Variants in DDR1 observed in about 807,000 individuals in gnomAD.
DDR1 encodes epithelial discoidin domain-containing receptor 1.
DDR1 carries 64 observed loss-of-function variants against 97.4 expected under a neutral mutation model. The observed-to-expected ratio is 0.66, with a 90% CI of 0.54 to 0.81. The LOEUF (loss-of-function observed/expected upper bound fraction) is 0.81. Among genes scored for constraint, DDR1 ranks in the 30% least tolerant of loss-of-function variants. The probability of loss-of-function intolerance (pLI) is 0.00; values close to 1 mark genes in which losing one functional copy is unlikely to be tolerated. For synonymous variants in DDR1, 458 were observed against 503.7 expected, an observed-to-expected ratio of 0.91 and a Z score of 1.21; for missense variants, 990 against 1,259.6, an observed-to-expected ratio of 0.79 and a Z score of 3.24.
chr6:30,887,434 T>G (rs1264324), intron 1 of DDR1, among the ~76,000 whole-genome samples: 10,616 of 152,304 alleles, frequency 0.07, 578 homozygotes, highest in Non-Finnish European at 0.12. Context: ...TATATTGTAT[T>G]CTATTGTTAT....
In DDR1 at chr6:30,898,223, G is replaced by A; in HGVS notation, c.2367G>A (p.Arg789=). 6.2e-7 allele frequency: 1 copy of A among 1,614,258 alleles called. No individual in the cohort carries two copies. The highest frequency in any genetic ancestry group is 8.5e-7 in the Non-Finnish European group (1 of 1,180,050). ...AAATCGCAGACTTTGGCATGAGCCG[G>A]AACCTCTATGCTGGGGACTATTACC... ...TIKIADFGMS[R]NLYAGDYYRV... is the part of the protein sequence containing the mutation. Residue 789 remains arginine (R), a synonymous_variant, in exon 16 of 18, where the codon CGG becomes CGA. Transcript: ENST00000376568.
intron 10 of DDR1, among the ~76,000 whole-genome samples, chr6:30,893,894 G>A (rs933148359): frequency 6.6e-6 from 1 of 152,180 alleles, no homozygotes; most frequent in Non-Finnish European, 1.5e-5. Flanking sequence ...AGGGGCAAAG[G>A]GAAGACGTCT....
chr6:30,884,923 G>GTC lies in DDR1; in HGVS notation c.-43+214_-43+215insCT. ...CGGGGACTGGGTGGAGGTGAAGCCC[G>GTC]TGACCTCCCAGAAAGAGTTTTGAGC... On this transcript the variant is annotated intron_variant, in intron 1 of 17. Transcript: ENST00000376568. This position sits in a 1 kb window ranked among gnomAD's most constrained non-coding sequence, Gnocchi z 6.1. 1 of 421,100 alleles carries GTC rather than the reference G, an allele frequency of 2.4e-6. No homozygotes were observed. Among genetic ancestry groups the GTC allele is most frequent in the Non-Finnish European group, 4.3e-6 (1 of 234,966 alleles). The allele number at this position is 421,100 out of a possible 1,614,324, so 26.1% of individuals were successfully genotyped here.
intron 9 of DDR1, 23 bp downstream of exon 9, chr6:30,893,186 G>T: frequency 6.2e-7 from 1 of 1,602,966 alleles, no homozygotes; most frequent in Non-Finnish European, 8.5e-7. Context: ...GGGTGGGCGT[G>T]TGGACCCTCT....
In DDR1 at chr6:30,893,433, G is replaced by GT; in HGVS notation, c.1347+10_1347+11insT. 2 of 1,599,708 alleles carry GT rather than the reference G, an allele frequency of 1.3e-6. No homozygotes were observed. Among genetic ancestry groups the GT allele is most frequent in the African/African-American group, 1.3e-5 (1 of 75,006 alleles). On this transcript the variant is annotated intron_variant, in intron 10 of 17. Transcript: ENST00000376568. ...CAGGCTCCTCAGCAAGGTGGGCACA[G>GT]CCGTGGCATGTGGAGTGGCGGGGGG...
In DDR1 at chr6:30,897,881, A is replaced by G. The variant is rs1791518854; in HGVS notation, c.2217-192A>G. Among the ~76,000 whole-genome samples, 1 of 152,162 alleles carries G rather than the reference A, an allele frequency of 6.6e-6. No homozygotes were observed. Among genetic ancestry groups the G allele is most frequent in the Non-Finnish European group, 1.5e-5 (1 of 68,006 alleles). On this transcript the variant is annotated intron_variant, in intron 15 of 17. Coordinates refer to ENST00000376568, the MANE Select transcript of DDR1 (RefSeq NM_001297654.2). This position sits in a 1 kb window ranked among gnomAD's most constrained non-coding sequence, Gnocchi z 5.2. Reference sequence around the variant, plus strand: ...CTCTGAGTCCAGATTGGGGAGCACAATAAAAGAAGAGCCCCCTAGTGTTGG... The same window carrying G: ...CTCTGAGTCCAGATTGGGGAGCACAGTAAAAGAAGAGCCCCCTAGTGTTGG...
Position 30,888,585 on chromosome 6 carries a change from G to C in DDR1, c.-42-103G>C, listed in dbSNP as rs1209346536. 7.7e-7 allele frequency: 1 copy of C among 1,291,414 alleles called. No individual in the cohort carries two copies. Among genetic ancestry groups the C allele is most frequent in the South Asian group, 1.4e-5 (1 of 69,514 alleles). 80.0% of individuals were successfully genotyped at this position (1,291,414 alleles called of 1,614,324 possible). On this transcript the variant is annotated intron_variant, in intron 1 of 17. Coordinates refer to ENST00000376568, the MANE Select transcript of DDR1 (RefSeq NM_001297654.2). This position sits in a 1 kb window ranked among gnomAD's most constrained non-coding sequence, Gnocchi z 4.2. ...CTGTTAAACAATGACTGTTGTTGTT[G>C]TTTTACTGTTATTATCCCCAAAGCG... is the stretch of plus-strand genomic sequence containing the variant.
rs1789402930 is a variant in DDR1 at position 30,893,431 on chromosome 6, C to T, written c.1347+8C>T. On this transcript the variant is annotated splice_region_variant and intron_variant, in intron 10 of 17. Transcript: ENST00000376568. ...CGCAGGCTCCTCAGCAAGGTGGGCACAGCCGTGGCATGTGGAGTGGCGGGG... is the reference window on the plus strand; with the variant it reads ...CGCAGGCTCCTCAGCAAGGTGGGCATAGCCGTGGCATGTGGAGTGGCGGGG... 2 of 1,600,028 alleles carry T rather than the reference C, an allele frequency of 1.2e-6. No homozygotes were observed. The highest frequency in any genetic ancestry group is 1.1e-5 in the South Asian group (1 of 90,588).
At chr6:30,892,573 C>T in intron 8 of DDR1, 31 bp downstream of exon 8, 1 of 1,529,926 alleles carries the variant, frequency 6.5e-7, no homozygotes. Context: ...GTCTCCAGTC[C>T]CTGAAATTGA....
rs773782485 is a variant in DDR1 at position 30,893,116 on chromosome 6, C to T, written c.1148C>T (p.Ala383Val). Residue 383 changes from alanine (A) to valine (V), a missense_variant, in exon 9 of 18, where the codon GCC (alanine) becomes GTC (valine). Coordinates refer to ENST00000376568, the MANE Select transcript of DDR1 (RefSeq NM_001297654.2). The part of the protein sequence containing the change: ...SPALGGTFPP[A>V]PWWPPGPPPT... ...GCACTGGGAGGCACCTTCCCGCCAGCCCCCTGGTGGCCGCCTGGCCCACCT... is the reference window on the plus strand; with the variant it reads ...GCACTGGGAGGCACCTTCCCGCCAGTCCCCTGGTGGCCGCCTGGCCCACCT... The T allele has an allele frequency of 2.6e-5, 42 of 1,611,412 alleles. No homozygotes were observed. The highest frequency in any genetic ancestry group is 3.4e-5 in the Non-Finnish European group (40 of 1,179,872).
Position 30,890,976 on chromosome 6 carries a change from A to G in DDR1, c.421A>G (p.Ile141Val), listed in dbSNP as rs1439991778. 2 of 1,600,384 alleles carry G rather than the reference A, an allele frequency of 1.2e-6. No individual in the cohort carries two copies. Among genetic ancestry groups the G allele is most frequent in the Non-Finnish European group, 1.7e-6 (2 of 1,173,358 alleles). ...GWKDRWGQEV[I>V]SGNEDPEGVV... ...CCCCCTGTTTCCTGGCCCACAGGTG[A>G]TCTCAGGCAATGAGGACCCTGAGGG... Residue 141 changes from isoleucine (I) to valine (V), a missense_variant, in exon 5 of 18, where the codon ATC (isoleucine) becomes GTC (valine). Physicochemically the swap from Ile to Val is conservative, Grantham distance 29. Transcript: ENST00000376568. The surrounding 1 kb of genome is among the most constrained non-coding windows in gnomAD (Gnocchi z 5.0).
rs1792394253 is a variant in DDR1, at chr6:30,900,089, G to A, written c.*793G>A. The stretch of plus-strand genomic sequence containing the variant: ...ACACAGATTTTTACACTAATATATG[G>A]ACCTAGCTTGAGGCAATTTTAATCC... On this transcript the variant is annotated 3_prime_UTR_variant, in exon 18 of 18. Transcript: ENST00000376568. 1.7e-6 allele frequency: 1 copy of A among 596,276 alleles called. No individual in the cohort carries two copies. The highest frequency in any genetic ancestry group is 1.8e-5 in the African/African-American group (1 of 55,576). The allele number at this position is 596,276 out of a possible 1,614,324, so 36.9% of individuals were successfully genotyped here. A position where few individuals can be genotyped will look rare whatever the true frequency, so the allele number is the denominator to read the frequency against.
chr6:30,894,806 C>G lies in DDR1; in HGVS notation c.1513+135C>G, dbSNP rs112421912. 1.0e-6 allele frequency: 1 copy of G among 973,496 alleles called. No individual in the cohort carries two copies. The highest frequency in any genetic ancestry group is 1.6e-5 in the African/African-American group (1 of 60,648). 60.3% of individuals were successfully genotyped at this position (973,496 alleles called of 1,614,324 possible). On this transcript the variant is annotated intron_variant, in intron 11 of 17. Coordinates refer to ENST00000376568, the MANE Select transcript of DDR1 (RefSeq NM_001297654.2). The surrounding 1 kb of genome is among the most constrained non-coding windows in gnomAD (Gnocchi z 5.7). The stretch of plus-strand genomic sequence containing the variant: ...TTCTTTCTGTGCCCCTGGTTACTGT[C>G]TATATCACTCTTTGTCCCTACCATG...
chr6:30,889,944 G>A lies in DDR1; in HGVS notation c.417+514G>A, dbSNP rs185542157. 4.1e-4 allele frequency among the ~76,000 whole-genome samples: 62 copies of A among 152,064 alleles called. No individual in the cohort carries two copies. Among genetic ancestry groups the A allele is most frequent in the African/African-American group, 1.4e-3 (56 of 41,478 alleles). On this transcript the variant is annotated intron_variant, in intron 4 of 17. Coordinates refer to ENST00000376568, the MANE Select transcript of DDR1 (RefSeq NM_001297654.2). This position sits in a 1 kb window ranked among gnomAD's most constrained non-coding sequence, Gnocchi z 4.9. ...CTCCTTCCAAAGCATCAGCAGCCCC[G>A]TCTGTTCTACCTCCATAGTGTTCCT...
In DDR1 at chr6:30,894,389, T is replaced by A; in HGVS notation, c.1348-117T>A. 2 of 963,844 alleles carry A rather than the reference T, an allele frequency of 2.1e-6. No individual in the cohort carries two copies. The highest frequency in any genetic ancestry group is 4.1e-5 in the South Asian group (2 of 48,476). 59.7% of individuals were successfully genotyped at this position (963,844 alleles called of 1,614,324 possible). A position where few individuals can be genotyped will look rare whatever the true frequency, so the allele number is the denominator to read the frequency against. On this transcript the variant is annotated intron_variant, in intron 10 of 17. Coordinates refer to ENST00000376568, the MANE Select transcript of DDR1 (RefSeq NM_001297654.2). The surrounding 1 kb of genome is among the most constrained non-coding windows in gnomAD (Gnocchi z 5.7). ...TGCCTGTAAGATGGTGCTGATAGTA[T>A]CCACAGCTGTAGGGCTCTTGTGAGG... is the stretch of plus-strand genomic sequence containing the variant.
rs979712662 is a variant in DDR1, at chr6:30,891,941, G to T, written c.666-61G>T. On this transcript the variant is annotated intron_variant, in intron 6 of 17. Transcript: ENST00000376568. The surrounding 1 kb of genome is among the most constrained non-coding windows in gnomAD (Gnocchi z 5.3). Reference sequence around the variant, plus strand: ...GTGCCGGAGGGTGGCGGAGCAGAATGCCTGGATGTCAAGACCCTCTTCCCT... The same window carrying T: ...GTGCCGGAGGGTGGCGGAGCAGAATTCCTGGATGTCAAGACCCTCTTCCCT... 123 of 1,583,710 alleles carry T rather than the reference G, an allele frequency of 7.8e-5. No homozygotes were observed. Among genetic ancestry groups the T allele is most frequent in the Non-Finnish European group, 1.0e-4 (118 of 1,156,364 alleles).
At chr6:30,898,773 G>A in intron 16 of DDR1, 115 bp from the exon 17 acceptor site, 1 of 1,135,680 alleles carries the variant, frequency 8.8e-7, no homozygotes, top group Non-Finnish European at 1.3e-6. Context: ...CTGGCGTCAG[G>A]AGGGATCAGG....
In DDR1 at chr6:30,893,127, C is replaced by T; in HGVS notation, c.1159C>T (p.Pro387Ser). 1 of 1,610,836 alleles carries T rather than the reference C, an allele frequency of 6.2e-7. No homozygotes were observed. The change falls in exon 9 of 18, where the codon CCG (proline) becomes TCG (serine). Residue 387 changes from proline to serine, a missense_variant. Transcript: ENST00000376568. ...CACCTTCCCGCCAGCCCCCTGGTGG[C>T]CGCCTGGCCCACCTCCCACCAACTT... ...GGTFPPAPWW[P>S]PGPPPTNFSS...
Position 30,898,904 on chromosome 6 carries a change from C to T in DDR1, c.2468C>T (p.Ala823Val), listed in dbSNP as rs368093405. ...GCATCCCAGGGGAAGTTCACGACTG[C>T]GAGTGACGTGTGGGCCTTTGGTGTG... is the stretch of plus-strand genomic sequence containing the variant. ...ECILMGKFTT[A>V]SDVWAFGVTL... The change falls in exon 17 of 18, where the codon GCG (alanine) becomes GTG (valine). Residue 823 changes from alanine (A) to valine (V), a missense_variant. By Grantham distance (64) the Ala-to-Val change is moderately conservative (BLOSUM62 0). Transcript: ENST00000376568. The T allele has an allele frequency of 4.4e-6, 7 of 1,607,566 alleles. No individual in the cohort carries two copies. Among genetic ancestry groups the T allele is most frequent in the African/African-American group, 2.7e-5 (2 of 74,792 alleles).
Sources: allele counts gnomAD v4.1 joint callset (sites outside exome capture counted in the v4.1 genomes callset), GRCh38; gene constraint gnomAD v4.1.1; non-coding constraint Gnocchi (gnomAD v3.1); transcripts MANE v1.5; gene names NCBI Gene and HGNC (gene_info 2026-07-23, HGNC 2026-07-21).